HIVEP3: variants seen among roughly 807,000 people sequenced by gnomAD.
HIVEP3 encodes the protein HIVEP zinc finger 3.
HIVEP3 carries 49 observed loss-of-function variants against 152.8 expected under a neutral mutation model. That is an observed-to-expected ratio of 0.32 (90% CI 0.26 to 0.41). HIVEP3 has a LOEUF of 0.41. Ranked by LOEUF, HIVEP3 falls within the 10% of genes least tolerant of loss-of-function variation. HIVEP3 has a pLI of 1.00. For synonymous variants in HIVEP3, 1,269 were observed against 1,289.0 expected, an observed-to-expected ratio of 0.98 and a Z score of 0.33; for missense variants, 2,790 against 3,103.3, an observed-to-expected ratio of 0.90 and a Z score of 2.40.
chr1:41,636,298 T>C (rs1185726688), intron 2 of HIVEP3, among the ~76,000 whole-genome samples: 4 of 152,166 alleles, frequency 2.6e-5, no homozygotes, highest in South Asian at 4.1e-4. Flanking sequence ...ACACGCACCA[T>C]AGACACACAG....
chr1:41,734,623 A>G (rs1558222552), intron 1 of HIVEP3, among the ~76,000 whole-genome samples: 1 of 152,192 alleles, frequency 6.6e-6, no homozygotes, highest in Admixed American at 6.5e-5. Flanking sequence ...GAGGGGACAG[A>G]AGCCAAGAGA....
At chr1:41,629,504 A>T (rs1645163222) in intron 2 of HIVEP3, among the ~76,000 whole-genome samples, 1 of 152,262 alleles carries the variant, frequency 6.6e-6, no homozygotes, top group Admixed American at 6.5e-5. Context: ...AGAATGGGAG[A>T]AAATGTCTAC....
intron 5 of HIVEP3, among the ~76,000 whole-genome samples, chr1:41,527,584 GCACT>G (rs1446440673): frequency 3.6e-5 from 4 of 110,378 alleles, no homozygotes; most frequent in Admixed American, 2.0e-4. Context: ...CCACACTCAA[GCACT>G]CACACTCATT....
intron 1 of HIVEP3, among the ~76,000 whole-genome samples, chr1:41,743,019 G>A (rs1228968546): frequency 1.3e-5 from 2 of 152,046 alleles, no homozygotes; most frequent in African/African-American, 4.8e-5. Context: ...GATTAAATGA[G>A]ATCATGTTGT....
intron 5 of HIVEP3, among the ~76,000 whole-genome samples, chr1:41,571,954 G>A (rs1372230462): frequency 2.6e-5 from 4 of 152,178 alleles, no homozygotes; most frequent in Non-Finnish European, 4.4e-5. Flanking sequence ...CAGTGGCAGA[G>A]GGAGTAAAGA....
intron 2 of HIVEP3, among the ~76,000 whole-genome samples, chr1:41,640,929 T>A (rs1645362652): frequency 6.6e-6 from 1 of 152,222 alleles, no homozygotes; most frequent in Non-Finnish European, 1.5e-5. Context: ...AGACACTGTG[T>A]GGCCTTCTTC....
intron 1 of HIVEP3, among the ~76,000 whole-genome samples, chr1:41,896,886 T>C (rs920752889): frequency 6.6e-6 from 1 of 152,202 alleles, no homozygotes; most frequent in Non-Finnish European, 1.5e-5. Context: ...GGCATGCTTT[T>C]TAATGAACTC....
intron 3 of HIVEP3, among the ~76,000 whole-genome samples, chr1:41,608,142 G>A (rs961343294): frequency 2.6e-5 from 4 of 152,160 alleles, no homozygotes; most frequent in Admixed American, 6.5e-5. Context: ...GAGGTGTCTC[G>A]TCTATTTCTC....
At position 41,598,903 on chromosome 1, in the gene HIVEP3, C is replaced by T. The variant is rs772281941; in HGVS notation, c.-521-13585G>A. Among the ~76,000 whole-genome samples, 152 of 152,134 alleles carry T rather than the reference C, an allele frequency of 1.0e-3. No homozygotes were observed. The Middle Eastern group carries it at 0.01, about 10-fold the overall frequency. On this transcript the variant is annotated intron_variant, in intron 3 of 8. Coordinates refer to ENST00000372583, the MANE Select transcript of HIVEP3 (RefSeq NM_024503.5). ...CAATTTCAGCTCACTGCAACCTCCA[C>T]CTCCTGGGCTCAGGTGATTCTCCCA...
At chr1:41,599,685 A>T (rs1644718001) in intron 3 of HIVEP3, among the ~76,000 whole-genome samples, 1 of 152,214 alleles carries the variant, frequency 6.6e-6, no homozygotes, top group Admixed American at 6.5e-5. Context: ...AACTTCTTAG[A>T]TGTGGCACCA....
chr1:41,759,298 T>G (rs1380126174), intron 1 of HIVEP3, among the ~76,000 whole-genome samples: 3 of 152,166 alleles, frequency 2.0e-5, no homozygotes, highest in Non-Finnish European at 4.4e-5. Flanking sequence ...TGTATCCAGC[T>G]TCTTTCACTT....
chr1:41,540,704 A>G (rs1257589166), intron 5 of HIVEP3, among the ~76,000 whole-genome samples: 1 of 152,218 alleles, frequency 6.6e-6, no homozygotes, highest in Non-Finnish European at 1.5e-5. Context: ...GAGGTAGCTC[A>G]GCCAAAAGGC....
chr1:41,802,810 C>T (rs952944239), intron 1 of HIVEP3, among the ~76,000 whole-genome samples: 3 of 152,200 alleles, frequency 2.0e-5, no homozygotes, highest in Non-Finnish European at 1.5e-5. Context: ...ACAGATGGTT[C>T]TTTCTTCCCA....
intron 1 of HIVEP3, among the ~76,000 whole-genome samples, chr1:41,739,956 A>G (rs1000977468): frequency 3.3e-5 from 5 of 152,198 alleles, no homozygotes; most frequent in African/African-American, 1.2e-4. Flanking sequence ...CCCAGCCACA[A>G]ACAGCCCTTT....
intron 1 of HIVEP3, among the ~76,000 whole-genome samples, chr1:41,776,696 AAAG>A (rs1173334163): frequency 2.6e-5 from 4 of 152,256 alleles, no homozygotes; most frequent in Admixed American, 6.5e-5. Flanking sequence ...TGCTTTCAGC[AAAG>A]AAGGTGTTTC....
At chr1:41,574,316 C>T (rs1644295149) in intron 5 of HIVEP3, among the ~76,000 whole-genome samples, 1 of 152,134 alleles carries the variant, frequency 6.6e-6, no homozygotes, top group Non-Finnish European at 1.5e-5. Flanking sequence ...GCGTCCCTCC[C>T]CACACGGAAA....
chr1:41,754,553 G>A (rs998414949), intron 1 of HIVEP3, among the ~76,000 whole-genome samples: 12 of 152,192 alleles, frequency 7.9e-5, no homozygotes, highest in African/African-American at 2.4e-4. Context: ...CTGGACAGAC[G>A]ACTTAGTCTC....
At chr1:41,640,030 G>T (rs533402033) in intron 2 of HIVEP3, among the ~76,000 whole-genome samples, 1 of 152,278 alleles carries the variant, frequency 6.6e-6, no homozygotes, top group African/African-American at 2.4e-5. Flanking sequence ...TCAAGTACAA[G>T]ATAACATATT....
At chr1:42,022,285 A>T (rs1040143890) in intron 1 of HIVEP3, among the ~76,000 whole-genome samples, 5 of 152,138 alleles carry the variant, frequency 3.3e-5, no homozygotes, top group Non-Finnish European at 7.3e-5. Flanking sequence ...CACTCTGATG[A>T]GATTGCCCTT....
Sources: allele counts gnomAD v4.1 joint callset (sites outside exome capture counted in the v4.1 genomes callset), GRCh38; gene constraint gnomAD v4.1.1; transcripts MANE v1.5; gene names NCBI Gene and HGNC (gene_info 2026-07-23, HGNC 2026-07-21).